The following TSNARE1 variants were observed in gnomAD, a reference collection of about 807,000 sequenced individuals.
TSNARE1 encodes the protein t-SNARE domain-containing protein 1.
TSNARE1 carries 49 observed loss-of-function variants against 62.0 expected under a neutral mutation model. The observed-to-expected ratio is 0.79, with a 90% CI of 0.63 to 1.00. TSNARE1 has a LOEUF of 1.00. Among genes scored for constraint, TSNARE1 ranks in the 50% least tolerant of loss-of-function variants. The probability of loss-of-function intolerance (pLI) is 0.00; values close to 1 mark genes in which losing one functional copy is unlikely to be tolerated. For missense variants in TSNARE1, 755 were observed against 700.1 expected (o/e 1.08, Z -0.88); for synonymous variants, 328 against 294.4 (o/e 1.11, Z -1.17).
intron 4 of TSNARE1, among the ~76,000 whole-genome samples, chr8:142,343,263 A>T (rs1418622138): frequency 1.3e-5 from 2 of 152,302 alleles, no homozygotes; most frequent in East Asian, 3.9e-4. Flanking sequence ...TCTGGGTGTT[A>T]AAAACAGTAA....
At chr8:142,237,282 C>T (rs1817481672) in intron 12 of TSNARE1, among the ~76,000 whole-genome samples, 1 of 152,250 alleles carries the variant, frequency 6.6e-6, no homozygotes, top group South Asian at 2.1e-4. Flanking sequence ...GACTGCTCCG[C>T]CCACCAGTGT....
At chr8:142,224,447 G>A (rs907282352) in intron 13 of TSNARE1, among the ~76,000 whole-genome samples, 9 of 152,024 alleles carry the variant, frequency 5.9e-5, no homozygotes, top group African/African-American at 1.5e-4. Context: ...CCACAGGCTG[G>A]GCCCTGCCCC....
At chr8:142,253,583 C>T (rs188229867) in intron 12 of TSNARE1, among the ~76,000 whole-genome samples, 11 of 149,930 alleles carry the variant, frequency 7.3e-5, no homozygotes, top group Non-Finnish European at 1.5e-4. Context: ...CATAGACCCA[C>T]TGCAGTAGGG....
intron 4 of TSNARE1, among the ~76,000 whole-genome samples, chr8:142,333,871 C>T (rs1385268301): frequency 1.3e-5 from 2 of 152,230 alleles, no homozygotes; most frequent in Non-Finnish European, 2.9e-5. Flanking sequence ...GCCTGAGGGA[C>T]GGCCCCCCAT....
intron 12 of TSNARE1, among the ~76,000 whole-genome samples, chr8:142,246,773 C>T (rs183537409): frequency 6.6e-6 from 1 of 152,322 alleles, no homozygotes; most frequent in African/African-American, 2.4e-5. Flanking sequence ...AGCCCAAACG[C>T]CTGCTGTGCC....
At chr8:142,296,218 G>A (rs926630127) in intron 10 of TSNARE1, among the ~76,000 whole-genome samples, 1 of 39,924 alleles carries the variant, frequency 2.5e-5, no homozygotes, top group African/African-American at 1.2e-4. Flanking sequence ...TCACTGTCAC[G>A]GGGGAGGGGG....
chr8:142,300,753 C>T (rs1825597125), intron 9 of TSNARE1, 109 bp from the exon 10 acceptor site: 2 of 1,124,054 alleles, frequency 1.8e-6, no homozygotes. Flanking sequence ...TCCCCATCTG[C>T]TCTCTGAGGG....
At chr8:142,360,732 G>A (rs1040769488) in intron 1 of TSNARE1, among the ~76,000 whole-genome samples, 1 of 152,104 alleles carries the variant, frequency 6.6e-6, no homozygotes, top group Non-Finnish European at 1.5e-5. Context: ...CCTCAGGCGT[G>A]CCACCACCCT....
rs141691946 is a variant in TSNARE1 at position 142,330,335 on chromosome 8, G to A, written c.893+566C>T. Among the ~76,000 whole-genome samples the A allele has an allele frequency of 3.5e-3, 535 of 152,242 alleles. 4 individuals are homozygous for A. The highest frequency in any genetic ancestry group is 0.027 in the Middle Eastern group (8 of 294). ...GGCTCAGACTTAGCAGACAGCACCC[G>A]AGGCACCTCTCCCCATCCCAGACCA... is the stretch of plus-strand genomic sequence containing the variant. On this transcript the variant is annotated intron_variant, in intron 6 of 13. Coordinates refer to ENST00000524325, the MANE Select transcript of TSNARE1 (RefSeq NM_145003.5).
intron 1 of TSNARE1, among the ~76,000 whole-genome samples, chr8:142,400,363 T>A (rs925898484): frequency 3.3e-5 from 5 of 150,852 alleles, no homozygotes; most frequent in African/African-American, 1.2e-4. Flanking sequence ...GGAAAATCAC[T>A]TGAACCCAGG....
At chr8:142,223,059 TTCAC>T (rs1816512792) in intron 13 of TSNARE1, among the ~76,000 whole-genome samples, 3 of 40,244 alleles carry the variant, frequency 7.5e-5, no homozygotes, top group African/African-American at 1.3e-4. Flanking sequence ...CATTCACTCA[TTCAC>T]TTACTCGCTC....
intron 11 of TSNARE1, chr8:142,277,235 G>A (rs2130678788): frequency 1.0e-6 from 1 of 985,360 alleles, no homozygotes; most frequent in African/African-American, 1.7e-5. Context: ...CTGACTCCAG[G>A]AGTCCAAGGG....
Position 142,256,967 on chromosome 8 carries a change from G to A in TSNARE1, c.1446+17814C>T, listed in dbSNP as rs573237054. The stretch of plus-strand genomic sequence containing the variant: ...AGCCACAGGTATTGGAGGGAAAACA[G>A]GCTCATTTGCATGCCATTTGCATAC... On this transcript the variant is annotated intron_variant, in intron 12 of 13. Coordinates refer to ENST00000524325, the MANE Select transcript of TSNARE1 (RefSeq NM_145003.5). Among the ~76,000 whole-genome samples, 8 of 152,288 alleles carry A rather than the reference G, an allele frequency of 5.3e-5. No individual in the cohort carries two copies. The East Asian group carries it at 1.5e-3, about 29-fold the overall frequency.
chr8:142,278,308 GC>G (rs1374848180), intron 11 of TSNARE1: 1 of 985,350 alleles, frequency 1.0e-6, no homozygotes, highest in Admixed American at 6.1e-5. Flanking sequence ...AGCTGAGGAT[GC>G]CCCAGCGCTC....
intron 4 of TSNARE1, among the ~76,000 whole-genome samples, chr8:142,333,050 G>A (rs1323103123): frequency 6.6e-6 from 1 of 152,250 alleles, no homozygotes; most frequent in Non-Finnish European, 1.5e-5. Flanking sequence ...CGAAGGTCGA[G>A]AACGACCAAG....
chr8:142,384,462 T>G (rs897907264), intron 1 of TSNARE1, among the ~76,000 whole-genome samples: 14 of 152,232 alleles, frequency 9.2e-5, no homozygotes, highest in African/African-American at 3.4e-4. Flanking sequence ...AACAGTATGG[T>G]AGGGCATGAA....
intron 9 of TSNARE1, among the ~76,000 whole-genome samples, chr8:142,305,782 G>C (rs1394526786): frequency 6.6e-6 from 1 of 152,236 alleles, no homozygotes; most frequent in Non-Finnish European, 1.5e-5. Context: ...TAGTTTTCCA[G>C]CTCAAGAGGC....
intron 1 of TSNARE1, among the ~76,000 whole-genome samples, chr8:142,375,253 G>A (rs1836243833): frequency 1.3e-5 from 2 of 152,374 alleles, no homozygotes; most frequent in South Asian, 4.1e-4. Flanking sequence ...CACCCACAGC[G>A]GACAACTGCA....
At chr8:142,387,147 C>G (rs1386468693) in intron 1 of TSNARE1, among the ~76,000 whole-genome samples, 3 of 152,096 alleles carry the variant, frequency 2.0e-5, no homozygotes, top group Non-Finnish European at 1.5e-5. Flanking sequence ...GGAATAGTAA[C>G]AAAATCAGGA....
Sources: allele counts gnomAD v4.1 joint callset (sites outside exome capture counted in the v4.1 genomes callset), GRCh38; gene constraint gnomAD v4.1.1; transcripts MANE v1.5; gene names NCBI Gene and HGNC (gene_info 2026-07-23, HGNC 2026-07-21).